The following FBN2 variants were observed in gnomAD, a reference collection of about 807,000 sequenced individuals.
FBN2 encodes the protein fibrillin 2.
FBN2 carries 105 observed loss-of-function variants against 355.6 expected under a neutral mutation model. That is an observed-to-expected ratio of 0.30 (90% confidence interval 0.25 to 0.35). The LOEUF (loss-of-function observed/expected upper bound fraction) is 0.35, where lower values mean the gene tolerates loss of function less well. Among genes scored for constraint, FBN2 ranks in the 10% least tolerant of loss-of-function variants. The probability of loss-of-function intolerance (pLI) is 1.00; values close to 1 mark genes in which losing one functional copy is unlikely to be tolerated. For synonymous variants in FBN2, 1,350 were observed against 1,301.2 expected, an observed-to-expected ratio of 1.04 and a Z score of -0.81; for missense variants, 3,280 against 3,758.7, an observed-to-expected ratio of 0.87 and a Z score of 3.33.
intron 5 of FBN2, among the ~76,000 whole-genome samples, 180 bp from the exon 6 acceptor site, chr5:128,465,101 A>G (rs1217217427): frequency 1.3e-5 from 2 of 152,196 alleles, no homozygotes; most frequent in Non-Finnish European, 2.9e-5. Context: ...ACCTTAAGAG[A>G]CTTCAATGTA....
At chr5:128,447,296 A>G (rs1460694516) in intron 6 of FBN2, among the ~76,000 whole-genome samples, 6 of 152,186 alleles carry the variant, frequency 3.9e-5, no homozygotes, top group Non-Finnish European at 1.5e-5. Flanking sequence ...TCTTCTTTCA[A>G]AAGCAAATAG....
chr5:128,289,355 G>GATCCACCCACCTC, intron 51 of FBN2, 103 bp from the exon 52 acceptor site: 1 of 1,198,830 alleles, frequency 8.3e-7, no homozygotes, highest in Non-Finnish European at 1.2e-6. Flanking sequence ...AGGCCGAGGT[G>GATCCACCCACCTC]GGTGGATCAC....
chr5:128,272,527 A>G (rs1303196532), intron 61 of FBN2, among the ~76,000 whole-genome samples: 2 of 149,854 alleles, frequency 1.3e-5, no homozygotes, highest in African/African-American at 4.9e-5. Context: ...TTTGAAAGTG[A>G]CTGAGATACA....
chr5:128,373,650 T>C (rs571104074), intron 15 of FBN2, among the ~76,000 whole-genome samples: 1 of 152,320 alleles, frequency 6.6e-6, no homozygotes, highest in East Asian at 1.9e-4. Context: ...AGAAGCCTCA[T>C]GAAAACATTT....
intron 5 of FBN2, among the ~76,000 whole-genome samples, chr5:128,484,458 T>G (rs1007317711): frequency 6.6e-6 from 1 of 152,116 alleles, no homozygotes; most frequent in Non-Finnish European, 1.5e-5. Flanking sequence ...CAAGGAAGCA[T>G]GCAAATCAAC....
At position 128,335,211 on chromosome 5, in the gene FBN2, T is replaced by C. The variant is rs762514246; in HGVS notation, c.3932A>G (p.Tyr1311Cys). Residue 1311 changes from tyrosine (Y) to cysteine (C), a missense_variant, in exon 30 of 65, where the codon TAT (tyrosine) becomes TGT (cysteine). This residue lies in a region of FBN2 where 2,284 missense variants were observed against 2,749.5 expected (regional missense o/e 0.83). Transcript: ENST00000262464. ...GTCCATGGAAGCCATGAAGCCATCATAGCAGAGGCAGCGATACTCTCCAGG... is the reference window on the plus strand; with the variant it reads ...GTCCATGGAAGCCATGAAGCCATCACAGCAGAGGCAGCGATACTCTCCAGG... ...NIPGEYRCLC[Y>C]DGFMASMDMK... The C allele has an allele frequency of 4.6e-5, 74 of 1,614,098 alleles. No homozygotes were observed. Among genetic ancestry groups the C allele is most frequent in the Non-Finnish European group, 6.0e-5 (71 of 1,180,042 alleles).
chr5:128,333,993 C>T (rs530176790), intron 31 of FBN2, among the ~76,000 whole-genome samples: 60 of 152,042 alleles, frequency 3.9e-4, no homozygotes, highest in Middle Eastern at 3.4e-3. Flanking sequence ...AAGTCTTCCA[C>T]CACCTGCCTT....
intron 6 of FBN2, among the ~76,000 whole-genome samples, chr5:128,464,352 T>A (rs1038735739): frequency 2.0e-5 from 3 of 152,208 alleles, no homozygotes; most frequent in Non-Finnish European, 4.4e-5. Flanking sequence ...CAGATTCTCA[T>A]AACTTGAATG....
intron 20 of FBN2, among the ~76,000 whole-genome samples, chr5:128,353,943 C>G (rs1000657520): frequency 6.6e-6 from 1 of 152,142 alleles, no homozygotes; most frequent in Non-Finnish European, 1.5e-5. Context: ...CCGCACCCCC[C>G]TACAGGCTCA....
chr5:128,472,293 CA>C (rs1193322725), intron 5 of FBN2, among the ~76,000 whole-genome samples: 2 of 151,854 alleles, frequency 1.3e-5, no homozygotes, highest in Non-Finnish European at 2.9e-5. Context: ...TTCACTTACA[CA>C]AGGTATCCAG....
chr5:128,299,848 C>G (rs921683623), intron 48 of FBN2, among the ~76,000 whole-genome samples: 3 of 152,116 alleles, frequency 2.0e-5, no homozygotes, highest in Non-Finnish European at 4.4e-5. Context: ...GGCTCCTCCC[C>G]CCTTAAACTT....
intron 5 of FBN2, among the ~76,000 whole-genome samples, chr5:128,508,001 G>C (rs554505113): frequency 6.6e-6 from 1 of 151,824 alleles, no homozygotes; most frequent in Non-Finnish European, 1.5e-5. Flanking sequence ...TTAACTGACC[G>C]CTTTATTATT....
At chr5:128,524,849 C>T (rs1057295266) in intron 4 of FBN2, among the ~76,000 whole-genome samples, 1 of 152,074 alleles carries the variant, frequency 6.6e-6, no homozygotes, top group African/African-American at 2.4e-5. Flanking sequence ...AGATGTCATC[C>T]CATGAGAAAC....
rs542504834 is a variant in FBN2, at chr5:128,441,171, A to G, written c.952+5310T>C. ...GATGCTTTTTCCAATCACGCAGCTT[A>G]TAATCTCTACAGCCAGTGCCAGGAT... is the stretch of plus-strand genomic sequence containing the variant. On this transcript the variant is annotated intron_variant, in intron 7 of 64. Transcript: ENST00000262464. 3.3e-5 allele frequency among the ~76,000 whole-genome samples: 5 copies of G among 152,296 alleles called. No homozygotes were observed. The South Asian group carries it at 8.3e-4, about 25-fold the overall frequency.
chr5:128,350,719 TA>T, intron 21 of FBN2, 148 bp downstream of exon 21: 2 of 889,684 alleles, frequency 2.2e-6, no homozygotes. Context: ...TTTTAAGAGG[TA>T]AAAAACATTA....
At chr5:128,518,560 C>T (rs1052379370) in intron 5 of FBN2, among the ~76,000 whole-genome samples, 1 of 152,112 alleles carries the variant, frequency 6.6e-6, no homozygotes, top group Admixed American at 6.6e-5. Context: ...TTACCACCAC[C>T]ACCCCCCACT....
At chr5:128,455,675 C>T (rs560145667) in intron 6 of FBN2, among the ~76,000 whole-genome samples, 1 of 151,806 alleles carries the variant, frequency 6.6e-6, no homozygotes, top group South Asian at 2.1e-4. Flanking sequence ...TAGTGTGGTG[C>T]CACGGCCCAC....
chr5:128,463,228 T>A (rs572229683), intron 6 of FBN2, among the ~76,000 whole-genome samples: 2 of 152,014 alleles, frequency 1.3e-5, no homozygotes, highest in Non-Finnish European at 2.9e-5. Context: ...AGATACAATA[T>A]AATATAGAAT....
At position 128,433,640 on chromosome 5, in the gene FBN2, AT is replaced by A. The variant is rs1181016356; in HGVS notation, c.952+12840del. Among the ~76,000 whole-genome samples, 13 of 152,358 alleles carry A rather than the reference AT, an allele frequency of 8.5e-5. 1 individual carries two copies. The highest frequency in any genetic ancestry group is 7.2e-4 in the Admixed American group (11 of 15,302). ...TTTACGCTTCAGATTAGCATCAGCT[AT>A]ATGGCTAGTTAAATCAAGCTATGCA... On this transcript the variant is annotated intron_variant, in intron 7 of 64. Coordinates refer to ENST00000262464, the MANE Select transcript of FBN2 (RefSeq NM_001999.4).
Sources: gnomAD v4.1 joint callset for allele counts (sites outside exome capture counted in the v4.1 genomes callset) on GRCh38, gnomAD v4.1.1 for gene constraint, gnomAD v4.1.1 regional missense constraint, MANE v1.5 for transcripts, NCBI Gene and HGNC (gene_info 2026-07-23, HGNC 2026-07-21) for gene names.